PLXNA2: variants seen among roughly 807,000 people sequenced by gnomAD.
PLXNA2 encodes the protein plexin A2, also known as plexin-A2.
A neutral mutation model predicts 193.5 loss-of-function variants in PLXNA2; 91 were observed. That is an observed-to-expected ratio of 0.47 (90% CI 0.40 to 0.56). The LOEUF (loss-of-function observed/expected upper bound fraction) is 0.56. Among genes scored for constraint, PLXNA2 ranks in the 20% least tolerant of loss-of-function variants. PLXNA2 has a pLI of 0.00. For missense variants in PLXNA2, 1,995 were observed against 2,503.2 expected, an observed-to-expected ratio of 0.80 and a Z score of 4.33; for synonymous variants, 997 against 1,027.3, an observed-to-expected ratio of 0.97 and a Z score of 0.56.
chr1:208,055,249 G>A (rs1048831043), intron 13 of PLXNA2, among the ~76,000 whole-genome samples: 83 of 152,142 alleles, frequency 5.5e-4, no homozygotes, highest in Non-Finnish European at 2.9e-5. Context: ...TCACACTAAC[G>A]GGAGAGCTGG....
At position 208,074,289 on chromosome 1, in the gene PLXNA2, C is replaced by G. The variant is rs189298223; in HGVS notation, c.2586+4971G>C. On this transcript the variant is annotated intron_variant, in intron 12 of 31. Transcript: ENST00000367033. ...ATAGGCTGGGGGAACGGAAACGTGG[C>G]GGGCCAGCCATCTCATGGGCTTTCC... is the stretch of plus-strand genomic sequence containing the variant. Among the ~76,000 whole-genome samples the G allele has an allele frequency of 1.4e-3, 216 of 152,252 alleles. 3 individuals are homozygous for G. Among genetic ancestry groups the G allele is most frequent in the African/African-American group, 5.0e-3 (207 of 41,566 alleles).
chr1:208,097,706 A>G (rs1666944323), intron 6 of PLXNA2, among the ~76,000 whole-genome samples: 1 of 152,126 alleles, frequency 6.6e-6, no homozygotes, highest in Non-Finnish European at 1.5e-5. Context: ...ATGAGTTTGT[A>G]CTCAAATTAC....
At chr1:208,089,577 T>A (rs1666643739) in intron 9 of PLXNA2, among the ~76,000 whole-genome samples, 2 of 152,190 alleles carry the variant, frequency 1.3e-5, no homozygotes, top group African/African-American at 4.8e-5. Flanking sequence ...GAATTTGAAT[T>A]TCTATAAGTT....
At position 208,186,642 on chromosome 1, in the gene PLXNA2, T is replaced by C. The variant is rs148327582; in HGVS notation, c.1371+23638A>G. ...TGGAGAAAATGGGATAGGGGGAGAG[T>C]AGGTGGCCCCACATCTGTAGAGAAG... On this transcript the variant is annotated intron_variant, in intron 3 of 31. Coordinates refer to ENST00000367033, the MANE Select transcript of PLXNA2 (RefSeq NM_025179.4). Among the ~76,000 whole-genome samples the C allele has an allele frequency of 7.6e-3, 1,150 of 151,004 alleles. 11 individuals carry two copies. Among genetic ancestry groups the C allele is most frequent in the Non-Finnish European group, 8.9e-3 (604 of 67,830 alleles).
intron 4 of PLXNA2, among the ~76,000 whole-genome samples, chr1:208,140,145 G>C (rs1213230802): frequency 6.6e-6 from 1 of 152,142 alleles, no homozygotes; most frequent in Non-Finnish European, 1.5e-5. Context: ...CAGAAGGTGG[G>C]ACAGAGGAGG....
intron 1 of PLXNA2, among the ~76,000 whole-genome samples, chr1:208,234,814 G>T (rs1009691416): frequency 3.3e-5 from 5 of 152,190 alleles, no homozygotes; most frequent in Admixed American, 1.3e-4. Context: ...CAGATCAAGA[G>T]AGTGTGGCGG....
At chr1:208,227,398 A>G (rs902934064) in intron 1 of PLXNA2, among the ~76,000 whole-genome samples, 1 of 152,192 alleles carries the variant, frequency 6.6e-6, no homozygotes, top group Non-Finnish European at 1.5e-5. Flanking sequence ...GAATCTCAGG[A>G]AGCCTAACGT....
intron 5 of PLXNA2, 76 bp downstream of exon 5, chr1:208,103,071 C>T: frequency 1.1e-6 from 1 of 915,606 alleles, no homozygotes; most frequent in Non-Finnish European, 1.8e-6. Flanking sequence ...CTGCAAAGTA[C>T]TGTCATATCC....
chr1:208,125,223 A>G (rs1667937343), intron 4 of PLXNA2, among the ~76,000 whole-genome samples: 1 of 152,218 alleles, frequency 6.6e-6, no homozygotes, highest in Non-Finnish European at 1.5e-5. Flanking sequence ...AGGTGAGGAT[A>G]ACAGGAACTA....
At chr1:208,209,671 A>G (rs1432629110) in intron 3 of PLXNA2, among the ~76,000 whole-genome samples, 1 of 152,172 alleles carries the variant, frequency 6.6e-6, no homozygotes, top group Non-Finnish European at 1.5e-5. Context: ...GGCGCAAGGT[A>G]AAATGTCTAC....
intron 31 of PLXNA2, 122 bp downstream of exon 31, chr1:208,027,887 T>G: frequency 1.2e-6 from 1 of 844,902 alleles, no homozygotes; most frequent in Non-Finnish European, 1.7e-6. Context: ...AATGATAATT[T>G]TCGAGCTCAT....
chr1:208,220,032 G>A (rs1486162899), intron 1 of PLXNA2, among the ~76,000 whole-genome samples: 1 of 152,228 alleles, frequency 6.6e-6, no homozygotes, highest in African/African-American at 2.4e-5. Flanking sequence ...GGAATTGCAA[G>A]AGGCCATTCT....
At chr1:208,108,908 T>C (rs1057241737) in intron 4 of PLXNA2, among the ~76,000 whole-genome samples, 4 of 152,214 alleles carry the variant, frequency 2.6e-5, no homozygotes, top group Admixed American at 2.6e-4. Context: ...GCAAGATTTC[T>C]TTGCAATCAT....
At position 208,210,064 on chromosome 1, in the gene PLXNA2, G is replaced by A. The variant is rs1033770217; in HGVS notation, c.1371+216C>T. 5.1e-5 allele frequency: 18 copies of A among 355,996 alleles called. 1 individual carries two copies. The highest frequency in any genetic ancestry group is 2.6e-4 in the African/African-American group (11 of 42,762). The allele number at this position is 355,996 out of a possible 1,614,324, so 22.1% of individuals were successfully genotyped here. A position where few individuals can be genotyped will look rare whatever the true frequency, so the allele number is the denominator to read the frequency against. The stretch of plus-strand genomic sequence containing the variant: ...TAAAGTTTGGGAAATATTGAAATAC[G>A]CTTGCATTCCTTACATACCCAATGA... On this transcript the variant is annotated intron_variant, in intron 3 of 31. Transcript: ENST00000367033.
At chr1:208,167,443 G>A (rs74852638) in intron 3 of PLXNA2, among the ~76,000 whole-genome samples, 122 of 152,242 alleles carry the variant, frequency 8.0e-4, no homozygotes, top group East Asian at 3.5e-3. Flanking sequence ...ATATCAACAC[G>A]TGTCCCCTGC....
intron 1 of PLXNA2, among the ~76,000 whole-genome samples, chr1:208,239,569 CT>C (rs1416624830): frequency 6.6e-6 from 1 of 152,192 alleles, no homozygotes; most frequent in Non-Finnish European, 1.5e-5. Context: ...TTGGTCAGGC[CT>C]TGGACCACAT....
intron 3 of PLXNA2, among the ~76,000 whole-genome samples, chr1:208,194,657 G>A (rs1051620489): frequency 2.0e-5 from 3 of 152,100 alleles, no homozygotes; most frequent in South Asian, 4.1e-4. Flanking sequence ...TATACATCCT[G>A]CCACCAAGAT....
chr1:208,027,964 G>T (rs573619469), intron 31 of PLXNA2, 45 bp downstream of exon 31: 2 of 1,508,828 alleles, frequency 1.3e-6, no homozygotes, highest in Admixed American at 4.2e-5. Flanking sequence ...CAGGCTTCCT[G>T]CTCCTTGCCT....
intron 4 of PLXNA2, among the ~76,000 whole-genome samples, chr1:208,141,984 C>T (rs1229716439): frequency 6.6e-6 from 1 of 152,224 alleles, no homozygotes; most frequent in Non-Finnish European, 1.5e-5. Flanking sequence ...TTATTTACAC[C>T]TCTTTGGCTC....
Sources: allele counts gnomAD v4.1 joint callset (sites outside exome capture counted in the v4.1 genomes callset), GRCh38; gene constraint gnomAD v4.1.1; transcripts MANE v1.5; gene names NCBI Gene and HGNC (gene_info 2026-07-23, HGNC 2026-07-21).